Variants in SMIM31 observed in about 807,000 individuals in gnomAD.
SMIM31 encodes the protein small integral membrane protein 31, also known as human epithelial cell program regulator.
In SMIM31 at chr4:164,755,104, G is replaced by A. The variant is rs147207348; in HGVS notation, c.-26+693G>A. Among the ~76,000 whole-genome samples, 775 of 151,384 alleles carry A rather than the reference G, an allele frequency of 5.1e-3. 5 individuals are homozygous for A. The highest frequency in any genetic ancestry group is 0.017 in the African/African-American group (714 of 41,324). On this transcript the variant is annotated intron_variant, in intron 1 of 2. Coordinates refer to ENST00000507311, the MANE Select transcript of SMIM31 (RefSeq NM_001352885.1). ...TTATTTCTTGCTTTCACCAAAATATGGTATCATATTTTCAGCAGTAGAAAA... is the reference window on the plus strand; with the variant it reads ...TTATTTCTTGCTTTCACCAAAATATAGTATCATATTTTCAGCAGTAGAAAA...
chr4:164,795,051 A>G (rs1053977904), intron 2 of SMIM31, among the ~76,000 whole-genome samples: 1 of 152,134 alleles, frequency 6.6e-6, no homozygotes, highest in Non-Finnish European at 1.5e-5. Flanking sequence ...ACTCTCACTC[A>G]ATACTAATAA....
chr4:164,771,473 C>A (rs1479044210), intron 2 of SMIM31, among the ~76,000 whole-genome samples: 2 of 152,176 alleles, frequency 1.3e-5, no homozygotes, highest in African/African-American at 4.8e-5. Context: ...CAGGTTACTT[C>A]TACCTTGGTT....
intron 1 of SMIM31, among the ~76,000 whole-genome samples, chr4:164,765,994 C>G (rs1332270123): frequency 6.6e-6 from 1 of 152,082 alleles, no homozygotes; most frequent in African/African-American, 2.4e-5. Context: ...CCATGCTGTC[C>G]CCGAGCAATC....
At position 164,766,266 on chromosome 4, in the gene SMIM31, G is replaced by A. The variant is rs141574551; in HGVS notation, c.-25-4153G>A. ...CTCAAGTAATAGAGTGCTTGATGCCGCTGAGATTTCCAAATACATCTTCAA... is the reference window on the plus strand; with the variant it reads ...CTCAAGTAATAGAGTGCTTGATGCCACTGAGATTTCCAAATACATCTTCAA... On this transcript the variant is annotated intron_variant, in intron 1 of 2. Coordinates refer to ENST00000507311, the MANE Select transcript of SMIM31 (RefSeq NM_001352885.1). Among the ~76,000 whole-genome samples, 504 of 152,200 alleles carry A rather than the reference G, an allele frequency of 3.3e-3. 1 individual carries two copies. The highest frequency in any genetic ancestry group is 0.011 in the African/African-American group (469 of 41,528).
At chr4:164,798,361 G>A (rs999591149) in intron 2 of SMIM31, among the ~76,000 whole-genome samples, 2 of 151,682 alleles carry the variant, frequency 1.3e-5, no homozygotes, top group African/African-American at 2.4e-5. Context: ...AGCCTCCTGA[G>A]TAGCTGGGAC....
At position 164,755,096 on chromosome 4, in the gene SMIM31, C is replaced by T. The variant is rs944651382; in HGVS notation, c.-26+685C>T. 3.8e-5 allele frequency among the ~76,000 whole-genome samples: 3 copies of T among 79,176 alleles called. No homozygotes were observed. The Admixed American group carries it at 4.8e-4, about 13-fold the overall frequency. The allele number at this position is 79,176 out of a possible 152,430, so 51.9% of individuals were successfully genotyped here. On this transcript the variant is annotated intron_variant, in intron 1 of 2. Transcript: ENST00000507311. The stretch of plus-strand genomic sequence containing the variant: ...CTTTGAAATTATTTCTTGCTTTCAC[C>T]AAAATATGGTATCATATTTTCAGCA...
chr4:164,765,624 G>GAA lies in SMIM31; in HGVS notation c.-25-4778_-25-4777dup, dbSNP rs200574845. On this transcript the variant is annotated intron_variant, in intron 1 of 2. Transcript: ENST00000507311. The stretch of plus-strand genomic sequence containing the variant: ...AAGAAGGAAGGGATACTTTGTCTCA[G>GAA]AAAAAAAAAAAAAAAAAAGGCAGAT... Among the ~76,000 whole-genome samples the GAA allele has an allele frequency of 2.3e-3, 222 of 94,488 alleles. 1 individual carries two copies. The highest frequency in any genetic ancestry group is 3.6e-3 in the African/African-American group (105 of 29,232). 62.0% of individuals were successfully genotyped at this position (94,488 alleles called of 152,430 possible).
chr4:164,768,554 C>T (rs1167040988), intron 1 of SMIM31, among the ~76,000 whole-genome samples: 1 of 152,086 alleles, frequency 6.6e-6, no homozygotes, highest in Non-Finnish European at 1.5e-5. Context: ...TCAAAGACAA[C>T]TACCTTAAAA....
intron 2 of SMIM31, among the ~76,000 whole-genome samples, chr4:164,782,474 G>T (rs1268173131): frequency 1.4e-5 from 2 of 147,048 alleles, no homozygotes; most frequent in Admixed American, 1.4e-4. Flanking sequence ...CGCTTCCCAG[G>T]TTCACGCCAT....
intron 2 of SMIM31, among the ~76,000 whole-genome samples, chr4:164,784,112 G>A (rs1419647858): frequency 6.6e-6 from 1 of 152,210 alleles, no homozygotes; most frequent in East Asian, 1.9e-4. Context: ...AACTAACGAT[G>A]AAGAAAGTTG....
At chr4:164,781,698 A>G (rs1732951215) in intron 2 of SMIM31, among the ~76,000 whole-genome samples, 1 of 152,060 alleles carries the variant, frequency 6.6e-6, no homozygotes, top group Admixed American at 6.6e-5. Context: ...GAGACTGCCA[A>G]ATGTCCCCTG....
At chr4:164,798,760 A>G (rs571325668) in intron 2 of SMIM31, among the ~76,000 whole-genome samples, 91 of 152,164 alleles carry the variant, frequency 6.0e-4, no homozygotes, top group African/African-American at 2.1e-3. Flanking sequence ...TCTAAATCTC[A>G]TGTTGAATTG....
chr4:164,778,979 G>T (rs74746429), intron 2 of SMIM31, among the ~76,000 whole-genome samples: 1 of 149,524 alleles, frequency 6.7e-6, no homozygotes, highest in African/African-American at 2.5e-5. Context: ...ATTGAGAATG[G>T]AATCCACTAA....
intron 2 of SMIM31, among the ~76,000 whole-genome samples, chr4:164,778,740 G>A (rs1732909796): frequency 6.6e-6 from 1 of 152,116 alleles, no homozygotes; most frequent in South Asian, 2.1e-4. Context: ...CATGATCATG[G>A]CTCAGGTTCT....
At chr4:164,788,918 T>C (rs1040344528) in intron 2 of SMIM31, among the ~76,000 whole-genome samples, 3 of 152,252 alleles carry the variant, frequency 2.0e-5, no homozygotes, top group Non-Finnish European at 4.4e-5. Flanking sequence ...TTTCAGTATA[T>C]AATTTATCAC....
chr4:164,772,434 A>C (rs1732816896), intron 2 of SMIM31, among the ~76,000 whole-genome samples: 1 of 152,190 alleles, frequency 6.6e-6, no homozygotes, highest in South Asian at 2.1e-4. Flanking sequence ...CCAAACCGTT[A>C]TCAGGAGCCT....
intron 1 of SMIM31, among the ~76,000 whole-genome samples, chr4:164,755,802 C>A (rs1732553941): frequency 1.3e-5 from 2 of 151,996 alleles, no homozygotes; most frequent in South Asian, 2.1e-4. Flanking sequence ...TTAAAAAATT[C>A]TTTGGAATGC....
At chr4:164,782,160 C>G (rs1215857089) in intron 2 of SMIM31, among the ~76,000 whole-genome samples, 1 of 151,698 alleles carries the variant, frequency 6.6e-6, no homozygotes, top group African/African-American at 2.4e-5. Context: ...GGTGGTGGCA[C>G]TTGCCTGTAA....
At chr4:164,756,810 A>G (rs1732568939) in intron 1 of SMIM31, among the ~76,000 whole-genome samples, 1 of 152,104 alleles carries the variant, frequency 6.6e-6, no homozygotes, top group East Asian at 1.9e-4. Context: ...GTAAATATGT[A>G]ATTTGTGTAT....
Sources: allele counts gnomAD v4.1 joint callset (sites outside exome capture counted in the v4.1 genomes callset), GRCh38; gene constraint gnomAD v4.1.1; transcripts MANE v1.5; gene names NCBI Gene and HGNC (gene_info 2026-07-23, HGNC 2026-07-21).